PIGQ: variants seen among roughly 807,000 people sequenced by gnomAD.
The protein encoded by PIGQ is phosphatidylinositol glycan anchor biosynthesis class Q.
Under a neutral mutation model 60.3 loss-of-function variants are expected in PIGQ, and 54 were observed. The observed-to-expected ratio is 0.90, with a 90% CI of 0.72 to 1.12. The LOEUF (loss-of-function observed/expected upper bound fraction) is 1.12. Among genes scored for constraint, PIGQ ranks in the 50% most tolerant of loss-of-function variants. The probability of loss-of-function intolerance (pLI) is 0.00; values close to 1 mark genes in which losing one functional copy is unlikely to be tolerated. For missense variants in PIGQ, 799 were observed against 793.5 expected, an observed-to-expected ratio of 1.01 and a Z score of -0.08; for synonymous variants, 416 against 363.7, an observed-to-expected ratio of 1.14 and a Z score of -1.64.
intron 2 of PIGQ, 42 bp downstream of exon 2, chr16:574,805 C>T (rs2035693763): frequency 2.1e-6 from 3 of 1,416,788 alleles, no homozygotes; most frequent in Non-Finnish European, 2.8e-6. Context: ...AGTGGGGTCC[C>T]ATGAGTGCTG....
chr16:574,156 A>T lies in PIGQ; in HGVS notation c.82A>T (p.Ser28Cys), dbSNP rs1299731760. 4.3e-6 allele frequency: 7 copies of T among 1,612,532 alleles called. No homozygotes were observed. The Admixed American group carries it at 1.2e-4, about 27-fold the overall frequency. ...LLVGRWVPEQ[S>C]SAVVLAVLHF... is the part of the protein sequence containing the mutation. ...GGTGGGACGGTGGGTGCCGGAGCAG[A>T]GCAGCGCCGTGGTCCTGGCGGTCCT... is the stretch of plus-strand genomic sequence containing the variant. Residue 28 changes from serine (S) to cysteine (C), a missense_variant, in exon 2 of 11, where the codon AGC (serine) becomes TGC (cysteine). Physicochemically the swap from Ser to Cys is moderately radical, Grantham distance 112. Transcript: ENST00000321878.
chr16:580,922 T>C lies in PIGQ; in HGVS notation c.1481T>C (p.Leu494Pro). ...CTGCTCGTGGACCTCATCAACTCCC[T>C]GCCGCTGTACTCACTGGGTCTTCGG... is the stretch of plus-strand genomic sequence containing the variant. ...IHLLVDLINSLPLYSLGLRLC... is the reference protein window; with the variant it reads ...IHLLVDLINSPPLYSLGLRLC... The change falls in exon 9 of 11, where the codon CTG becomes CCG. Residue 494 changes from leucine (L) to proline (P), a missense_variant. Leu to Pro is a moderately conservative substitution (Grantham distance 98, BLOSUM62 -3). Transcript: ENST00000321878. 1 of 1,610,692 alleles carries C rather than the reference T, an allele frequency of 6.2e-7. No individual in the cohort carries two copies. The highest frequency in any genetic ancestry group is 2.2e-5 in the East Asian group (1 of 44,880).
In PIGQ at chr16:574,417, C is replaced by T. The variant is rs1157243115; in HGVS notation, c.343C>T (p.Pro115Ser). ...CTGCGAGGCCACCCACCGGCAAGCG[C>T]CCACTGCCCCCGGTGCCCCTGGTGA... is the stretch of plus-strand genomic sequence containing the variant. ...WSCEATHRQA[P>S]TAPGAPGEDQ... The change falls in exon 2 of 11, where the codon CCC (proline) becomes TCC (serine). Residue 115 changes from proline to serine, a missense_variant. Pro to Ser is a moderately conservative substitution (Grantham distance 74). Transcript: ENST00000321878. The T allele has an allele frequency of 6.2e-7, 1 of 1,610,768 alleles. No individual in the cohort carries two copies. Among genetic ancestry groups the T allele is most frequent in the South Asian group, 1.1e-5 (1 of 90,646 alleles).
Position 574,601 on chromosome 16 carries a change from TC to T in PIGQ, c.529del (p.Arg177AlafsTer12), listed in dbSNP as rs1299535924. 6.2e-7 allele frequency: 1 copy of T among 1,605,632 alleles called. No homozygotes were observed. The highest frequency in any genetic ancestry group is 8.5e-7 in the Non-Finnish European group (1 of 1,177,250). ...FDTVARSEVL[F>X]RSDRFDEGPV... ...ACGGTAGCACGCAGTGAGGTGCTCT[TC>T]CGCAGTGACCGCTTTGATGAGGGCC... On this transcript the variant is annotated frameshift_variant, in exon 2 of 11. Transcript: ENST00000321878. LOFTEE classifies it high-confidence loss of function.
intron 8 of PIGQ, 38 bp downstream of exon 8, chr16:580,301 G>C (rs377151936): frequency 2.0e-6 from 3 of 1,477,464 alleles, no homozygotes; most frequent in Non-Finnish European, 2.8e-6. Context: ...TGGCTGCAGT[G>C]CTCTGTGTGG....
Position 583,015 on chromosome 16 carries a change from A to G in PIGQ, c.1726A>G (p.Arg576Gly). 1 of 1,613,118 alleles carries G rather than the reference A, an allele frequency of 6.2e-7. No homozygotes were observed. The highest frequency in any genetic ancestry group is 8.5e-7 in the Non-Finnish European group (1 of 1,179,988). ...GGAGCTCATCTACCCCTGGAGGCAG[A>G]GAGGGGACAAGCAGGACTGAGGGAA... ...LGELIYPWRQ[R>G]GDKQD Residue 576 changes from arginine (R) to glycine (G), a missense_variant, in exon 11 of 11, where the codon AGA (arginine) becomes GGA (glycine). Arg to Gly is a moderately radical substitution (Grantham distance 125). Transcript: ENST00000321878.
At chr16:573,618 C>T (rs1376321432) in intron 1 of PIGQ, among the ~76,000 whole-genome samples, 3 of 152,206 alleles carry the variant, frequency 2.0e-5, no homozygotes, top group African/African-American at 7.2e-5. Flanking sequence ...TTTCAATTGG[C>T]GTGACCTTGC....
intron 1 of PIGQ, 137 bp from the exon 2 acceptor site, chr16:573,928 CA>C (rs1462645654): frequency 6.4e-6 from 4 of 622,634 alleles, no homozygotes; most frequent in Non-Finnish European, 1.1e-5. Flanking sequence ...CTACGGCGTC[CA>C]CCACCGAACT....
rs771592713 is a variant in PIGQ, at chr16:574,289, A to T, written c.215A>T (p.Glu72Val). 5.0e-6 allele frequency: 8 copies of T among 1,606,220 alleles called. No homozygotes were observed. The highest frequency in any genetic ancestry group is 1.6e-4 in the Middle Eastern group (1 of 6,072). ...VLGTWCHCRQ[E>V]PEESLGRFLE... ...GGCACCTGGTGCCACTGCCGGCAGG[A>T]GCCCGAGGAGAGCCTGGGCCGCTTC... Residue 72 changes from glutamate to valine, a missense_variant, in exon 2 of 11, where the codon GAG becomes GTG. Transcript: ENST00000321878.
intron 1 of PIGQ, among the ~76,000 whole-genome samples, chr16:573,300 A>G (rs1215923003): frequency 6.6e-6 from 1 of 152,172 alleles, no homozygotes. Context: ...ATGTCGTTGG[A>G]GAAATATATC....
intron 7 of PIGQ, 168 bp from the exon 8 acceptor site, chr16:580,015 G>C (rs2035787217): frequency 7.5e-6 from 4 of 532,328 alleles, no homozygotes; most frequent in South Asian, 5.6e-5. Flanking sequence ...TGGGGTGTGG[G>C]TGGACAGCCC....
Position 580,984 on chromosome 16 carries a change from G to A in PIGQ, c.1531+12G>A, listed in dbSNP as rs375441999. The stretch of plus-strand genomic sequence containing the variant: ...CTACAGGCTGGCGGGTAAGTGCTGC[G>A]TATTGGGCAGCTGGCCCTGGGTAGG... On this transcript the variant is annotated intron_variant, in intron 9 of 10. Coordinates refer to ENST00000321878, the MANE Select transcript of PIGQ (RefSeq NM_004204.5). 1.4e-5 allele frequency: 21 copies of A among 1,544,132 alleles called. No individual in the cohort carries two copies. Among genetic ancestry groups the A allele is most frequent in the South Asian group, 4.5e-5 (4 of 89,678 alleles).
intron 8 of PIGQ, chr16:580,589 C>G (rs900080385): frequency 1.8e-6 from 1 of 555,532 alleles, no homozygotes; most frequent in African/African-American, 1.9e-5. Flanking sequence ...CCTCCAGCAC[C>G]TGCTTGATTC....
rs116684562 is a variant in PIGQ, at chr16:582,813, C to G, written c.1594-70C>G. 547 of 1,489,536 alleles carry G rather than the reference C, an allele frequency of 3.7e-4. 3 individuals carry two copies. In the African/African-American group the frequency reaches 5.7e-3, roughly 16 times the overall value. The allele number at this position is 1,489,536 out of a possible 1,614,324, so 92.3% of individuals were successfully genotyped here. ...CTGGCCCTGCCTCACAACTGCCCGC[C>G]CCCACCCTCTCTCTGCAGACGGGGT... is the stretch of plus-strand genomic sequence containing the variant. On this transcript the variant is annotated intron_variant, in intron 10 of 10. Coordinates refer to ENST00000321878, the MANE Select transcript of PIGQ (RefSeq NM_004204.5).
intron 1 of PIGQ, among the ~76,000 whole-genome samples, chr16:571,162 C>T (rs1234937927): frequency 2.6e-4 from 1 of 3,902 alleles, no homozygotes; most frequent in Non-Finnish European, 4.6e-4. Context: ...GCCTGGCACC[C>T]GTGGCTAGCC....
chr16:573,995 T>C (rs1306880340), intron 1 of PIGQ, 71 bp from the exon 2 acceptor site: 15 of 1,127,230 alleles, frequency 1.3e-5, no homozygotes, highest in Non-Finnish European at 1.9e-5. Flanking sequence ...AGGCCGTCTG[T>C]GCAACATCCC....
In PIGQ at chr16:576,109, CGGCCG is replaced by C; in HGVS notation, c.822-18_822-14del. On this transcript the variant is annotated intron_variant, in intron 3 of 10. Coordinates refer to ENST00000321878, the MANE Select transcript of PIGQ (RefSeq NM_004204.5). ...CAGGCTGTGCTGGCCACCCTCATGC[CGGCCG>C]GGCCGGACCTCCCTTCCAGGAAGGC... 2 of 1,545,588 alleles carry C rather than the reference CGGCCG, an allele frequency of 1.3e-6. No individual in the cohort carries two copies. Among genetic ancestry groups the C allele is most frequent in the Non-Finnish European group, 1.7e-6 (2 of 1,146,342 alleles).
chr16:575,797 G>A (rs889267250), intron 2 of PIGQ, 42 bp from the exon 3 acceptor site: 8 of 1,541,388 alleles, frequency 5.2e-6, no homozygotes, highest in South Asian at 1.2e-5. Context: ...GTGGGAGGAG[G>A]ATCTGGAGAG....
intron 4 of PIGQ, chr16:576,607 G>T (rs1056181316): frequency 2.1e-6 from 1 of 484,106 alleles, no homozygotes; most frequent in African/African-American, 2.0e-5. Flanking sequence ...GCCCTCTGCA[G>T]AGCCAGGGTC....
Sources: allele counts gnomAD v4.1 joint callset (sites outside exome capture counted in the v4.1 genomes callset), GRCh38; gene constraint gnomAD v4.1.1; transcripts MANE v1.5; gene names NCBI Gene and HGNC (gene_info 2026-07-23, HGNC 2026-07-21).